PPP1R9A: variants seen among roughly 807,000 people sequenced by gnomAD.
The protein encoded by PPP1R9A is neurabin-1.
In PPP1R9A, 59 loss-of-function variants were observed where a neutral mutation model predicts 141.9. The observed-to-expected ratio is 0.42, with a 90% CI of 0.34 to 0.52. The LOEUF is 0.52. PPP1R9A is among the 20% of genes least tolerant of loss of function. The probability of loss-of-function intolerance (pLI) is 0.10; values close to 1 mark genes in which losing one functional copy is unlikely to be tolerated. For missense variants in PPP1R9A, 1,444 were observed against 1,611.9 expected (o/e 0.90, Z 1.78); for synonymous variants, 500 against 569.7 (o/e 0.88, Z 1.74).
In PPP1R9A at chr7:95,231,099, G is replaced by A. The variant is rs181173892; in HGVS notation, c.2112+4983G>A. Among the ~76,000 whole-genome samples the A allele has an allele frequency of 1.4e-3, 220 of 152,168 alleles. 2 individuals carry two copies. Among genetic ancestry groups the A allele is most frequent in the Middle Eastern group, 0.014 (4 of 292 alleles). The stretch of plus-strand genomic sequence containing the variant: ...GCAAATGGACACCAAAAGCAAGTAG[G>A]AGTAGCTATTCTTAGACAAAACAAA... On this transcript the variant is annotated intron_variant, in intron 8 of 19. Coordinates refer to ENST00000433360, the MANE Select transcript of PPP1R9A (RefSeq NM_001166160.2).
chr7:95,164,426 G>T (rs1369353516), intron 5 of PPP1R9A, among the ~76,000 whole-genome samples: 1 of 150,866 alleles, frequency 6.6e-6, no homozygotes, highest in Non-Finnish European at 1.5e-5. Context: ...TCTTATAATT[G>T]GGCTTTTGTA....
At chr7:95,146,903 T>C (rs1827728855) in intron 4 of PPP1R9A, among the ~76,000 whole-genome samples, 1 of 152,200 alleles carries the variant, frequency 6.6e-6, no homozygotes, top group South Asian at 2.1e-4. Flanking sequence ...ACTGCAGCCT[T>C]GTAGTATAAT....
At chr7:95,287,085 A>G in intron 18 of PPP1R9A, 1 of 1,604,294 alleles carries the variant, frequency 6.2e-7, no homozygotes, top group Non-Finnish European at 8.5e-7. Flanking sequence ...TTTCTTCTTG[A>G]TTCTTTTATT....
chr7:94,947,535 C>T (rs578023408), intron 2 of PPP1R9A, among the ~76,000 whole-genome samples: 1 of 152,200 alleles, frequency 6.6e-6, no homozygotes, highest in African/African-American at 2.4e-5. Flanking sequence ...AAAGTGGGTT[C>T]AGATGCTGGG....
At chr7:95,192,441 T>G (rs1399963685) in intron 5 of PPP1R9A, among the ~76,000 whole-genome samples, 1 of 152,004 alleles carries the variant, frequency 6.6e-6, no homozygotes, top group African/African-American at 2.4e-5. Context: ...TGCTTACTAG[T>G]GAAAAGATGA....
rs1243133921 is a variant in PPP1R9A at position 95,292,058 on chromosome 7, A to G, written c.*1755A>G. 6.6e-6 allele frequency: 1 copy of G among 152,156 alleles called. No individual in the cohort carries two copies. Among genetic ancestry groups the G allele is most frequent in the African/African-American group, 2.4e-5 (1 of 41,442 alleles). The allele number at this position is 152,156 out of a possible 1,614,324, so 9.4% of individuals were successfully genotyped here. A position where few individuals can be genotyped will look rare whatever the true frequency, so the allele number is the denominator to read the frequency against. On this transcript the variant is annotated 3_prime_UTR_variant, in exon 20 of 20. Transcript: ENST00000433360. ...TGCGTCAGCTCTTTTGTCATTAGGT[A>G]CAGACCCTTCATTCAATCCTCAGAA... is the stretch of plus-strand genomic sequence containing the variant.
At chr7:95,285,846 C>G (rs918119754) in intron 17 of PPP1R9A, among the ~76,000 whole-genome samples, 1 of 152,184 alleles carries the variant, frequency 6.6e-6, no homozygotes, top group Non-Finnish European at 1.5e-5. Flanking sequence ...CCTCTCCACA[C>G]CATCTTGTAT....
At chr7:95,257,468 C>T (rs986384414) in intron 12 of PPP1R9A, among the ~76,000 whole-genome samples, 2 of 151,528 alleles carry the variant, frequency 1.3e-5, no homozygotes, top group African/African-American at 2.4e-5. Context: ...ATTTGAAAGA[C>T]GATACTTAAC....
Position 95,266,901 on chromosome 7 carries a change from G to A in PPP1R9A, c.2666-1649G>A, listed in dbSNP as rs143639781. 1.5e-3 allele frequency among the ~76,000 whole-genome samples: 231 copies of A among 152,076 alleles called. 1 individual carries two copies. Among genetic ancestry groups the A allele is most frequent in the African/African-American group, 5.4e-3 (224 of 41,504 alleles). On this transcript the variant is annotated intron_variant, in intron 12 of 19. Transcript: ENST00000433360. ...GGCAGCTACAAATATAGATTTTATC[G>A]GAAGGAGGAAATTAAAGTGATCAAG... is the stretch of plus-strand genomic sequence containing the variant.
chr7:95,113,555 T>G (rs1169909399), intron 3 of PPP1R9A, among the ~76,000 whole-genome samples: 1 of 152,168 alleles, frequency 6.6e-6, no homozygotes, highest in Non-Finnish European at 1.5e-5. Flanking sequence ...AACAAGCAAA[T>G]ATACTTGCAA....
At position 94,911,006 on chromosome 7, in the gene PPP1R9A, A is replaced by G; in HGVS notation, c.893A>G (p.Gln298Arg). 6.2e-7 allele frequency: 1 copy of G among 1,614,188 alleles called. No individual in the cohort carries two copies. ...GCTTCGATACCTGGTGAAGAGATCCAGCAGAGCAAGGAACCCGAGGACTCC... is the reference window on the plus strand; with the variant it reads ...GCTTCGATACCTGGTGAAGAGATCCGGCAGAGCAAGGAACCCGAGGACTCC... ...SLASIPGEEIQQSKEPEDSTS... is the reference protein window; with the variant it reads ...SLASIPGEEIRQSKEPEDSTS... The change falls in exon 2 of 20, where the codon CAG (glutamine) becomes CGG (arginine). Residue 298 changes from glutamine to arginine, a missense_variant. Around this residue, in one of 5 missense-constraint regions of PPP1R9A, gnomAD observed 490 missense variants for 521.1 expected, o/e 0.94. Coordinates refer to ENST00000433360, the MANE Select transcript of PPP1R9A (RefSeq NM_001166160.2).
chr7:94,959,387 G>C (rs1797379634), intron 2 of PPP1R9A, among the ~76,000 whole-genome samples: 1 of 151,556 alleles, frequency 6.6e-6, no homozygotes, highest in Admixed American at 6.6e-5. Context: ...CAAACACCTA[G>C]TTTTATCTTT....
chr7:94,925,529 T>G (rs1208256209), intron 2 of PPP1R9A, among the ~76,000 whole-genome samples: 1 of 152,102 alleles, frequency 6.6e-6, no homozygotes, highest in Non-Finnish European at 1.5e-5. Flanking sequence ...CTTAGAAAAT[T>G]TGCTGAAGGG....
intron 2 of PPP1R9A, among the ~76,000 whole-genome samples, chr7:95,063,151 A>C (rs916528836): frequency 2.0e-5 from 3 of 152,226 alleles, no homozygotes; most frequent in Admixed American, 2.0e-4. Flanking sequence ...TGACTGGAGA[A>C]AAGTATCACT....
intron 5 of PPP1R9A, among the ~76,000 whole-genome samples, chr7:95,177,802 GCTTTGTC>G (rs982015803): frequency 7.9e-5 from 12 of 151,976 alleles, no homozygotes; most frequent in African/African-American, 2.7e-4. Context: ...ATGGTAAAAG[GCTTTGTC>G]CAACAGGAAA....
chr7:95,105,320 A>G (rs1819355490), intron 2 of PPP1R9A, among the ~76,000 whole-genome samples: 1 of 152,136 alleles, frequency 6.6e-6, no homozygotes, highest in Non-Finnish European at 1.5e-5. Flanking sequence ...TTTTTACTTT[A>G]TTTGCTTTTC....
chr7:95,208,764 G>A (rs1439567032), intron 7 of PPP1R9A, among the ~76,000 whole-genome samples: 1 of 151,604 alleles, frequency 6.6e-6, no homozygotes, highest in African/African-American at 2.4e-5. Context: ...TTTCCTAAAT[G>A]AGCCACTAAG....
intron 14 of PPP1R9A, among the ~76,000 whole-genome samples, chr7:95,273,132 G>A (rs1047218086): frequency 2.6e-5 from 4 of 152,090 alleles, no homozygotes; most frequent in Non-Finnish European, 4.4e-5. Context: ...GTATCATTTC[G>A]AGGGTCCCCA....
chr7:95,010,252 A>AT (rs1332041638), intron 2 of PPP1R9A, among the ~76,000 whole-genome samples: 7 of 152,128 alleles, frequency 4.6e-5, no homozygotes, highest in East Asian at 3.9e-4. Flanking sequence ...AATAATAATA[A>AT]AAATAGCTGG....
Sources: allele counts gnomAD v4.1 joint callset (sites outside exome capture counted in the v4.1 genomes callset), GRCh38; gene constraint gnomAD v4.1.1; regional missense constraint gnomAD v4.1.1; transcripts MANE v1.5; gene names NCBI Gene and HGNC (gene_info 2026-07-23, HGNC 2026-07-21).